ZNF254: variants seen among roughly 807,000 people sequenced by gnomAD.
The protein encoded by ZNF254 is CTD-2017D11.1.
Under a neutral mutation model 12.4 loss-of-function variants are expected in ZNF254, and 10 were observed. The ratio of observed to expected loss-of-function variants is 0.80; its 90% CI spans 0.50 to 1.36. The LOEUF is 1.36. Among genes scored for constraint, ZNF254 ranks in the 40% most tolerant of loss-of-function variants. The pLI is 0.00. For missense variants in ZNF254, 996 were observed against 763.9 expected, an observed-to-expected ratio of 1.30 and a Z score of -3.58; for synonymous variants, 305 against 253.4, an observed-to-expected ratio of 1.20 and a Z score of -1.93.
chr19:24,045,667 CAAAAAAAAAAAA>C (rs35872820), intron 1 of ZNF254, among the ~76,000 whole-genome samples: 1 of 88,810 alleles, frequency 1.1e-5, no homozygotes, highest in Non-Finnish European at 2.3e-5. Flanking sequence ...GACTCTGTCT[CAAAAAAAAAAAA>C]AAAAAAAAGG....
At chr19:24,062,348 T>C (rs1568433744) in intron 2 of ZNF254, among the ~76,000 whole-genome samples, 2 of 152,162 alleles carry the variant, frequency 1.3e-5, no homozygotes, top group Non-Finnish European at 2.9e-5. Flanking sequence ...ATGGATGCAG[T>C]CCATACTTAA....
chr19:24,127,250 G>T lies in ZNF254; in HGVS notation c.1250G>T (p.Arg417Leu). 1 of 1,612,106 alleles carries T rather than the reference G, an allele frequency of 6.2e-7. No homozygotes were observed. The highest frequency in any genetic ancestry group is 1.1e-5 in the South Asian group (1 of 90,972). Residue 417 changes from arginine (R) to leucine (L), a missense_variant, in exon 4 of 4, where the codon CGA becomes CTA. Coordinates refer to ENST00000357002, the MANE Select transcript of ZNF254 (RefSeq NM_203282.4). ...GAAGAATGCGGCAAAGGTTTTAATC[G>T]ATCTTCAAATCTTACTACACATAAG... is the stretch of plus-strand genomic sequence containing the variant. ...KCEECGKGFNRSSNLTTHKII... is the reference protein window; with the variant it reads ...KCEECGKGFNLSSNLTTHKII...
intron 2 of ZNF254, among the ~76,000 whole-genome samples, chr19:24,054,527 G>A (rs761867078): frequency 5.3e-5 from 8 of 152,114 alleles, no homozygotes; most frequent in South Asian, 2.1e-4. Context: ...TGTTACAAAC[G>A]TGTTATCCCA....
chr19:24,113,954 G>C (rs1488422327), intron 3 of ZNF254, among the ~76,000 whole-genome samples: 2 of 152,024 alleles, frequency 1.3e-5, no homozygotes, highest in African/African-American at 2.4e-5. Flanking sequence ...AAAATACCTA[G>C]GAATCCAACT....
intron 2 of ZNF254, 180 bp downstream of exon 2, chr19:24,106,246 G>C: frequency 8.4e-6 from 7 of 830,552 alleles, no homozygotes; most frequent in South Asian, 7.4e-5. Flanking sequence ...CCACATTCCT[G>C]AGCTAATCTG....
At chr19:24,100,659 AAG>A (rs1972960965) in intron 1 of ZNF254, among the ~76,000 whole-genome samples, 1 of 145,718 alleles carries the variant, frequency 6.9e-6, no homozygotes, top group African/African-American at 2.7e-5. Context: ...ATTTCTGACA[AAG>A]AAGTTTGTAT....
intron 1 of ZNF254, among the ~76,000 whole-genome samples, chr19:24,089,699 T>A (rs929841312): frequency 1.3e-5 from 2 of 152,024 alleles, no homozygotes; most frequent in African/African-American, 4.8e-5. Context: ...CATTTCCTAG[T>A]GCACTTTTTT....
At chr19:24,079,567 G>A (rs1373658880) in intron 2 of ZNF254, 2 of 152,186 alleles carry the variant, frequency 1.3e-5, no homozygotes, top group Non-Finnish European at 2.9e-5. Context: ...AGACAAGTTT[G>A]GTCATTTCTC....
At chr19:24,067,801 T>C (rs915031694) in intron 2 of ZNF254, among the ~76,000 whole-genome samples, 2 of 151,946 alleles carry the variant, frequency 1.3e-5, no homozygotes, top group African/African-American at 2.4e-5. Flanking sequence ...CCTACAAATA[T>C]TTTGCATTGT....
intron 2 of ZNF254, among the ~76,000 whole-genome samples, chr19:24,076,077 T>G (rs553689621): frequency 2.0e-5 from 3 of 152,350 alleles, no homozygotes; most frequent in African/African-American, 7.2e-5. Flanking sequence ...ACACATGTTT[T>G]ACAAACAATT....
At chr19:24,070,017 A>T (rs1329720705) in intron 2 of ZNF254, among the ~76,000 whole-genome samples, 2 of 152,236 alleles carry the variant, frequency 1.3e-5, no homozygotes, top group Non-Finnish European at 2.9e-5. Flanking sequence ...TCATATGCAG[A>T]TGCAGTCCAC....
intron 1 of ZNF254, chr19:24,105,458 G>A (rs1390546716): frequency 1.2e-5 from 3 of 247,390 alleles, no homozygotes; most frequent in Non-Finnish European, 2.3e-5. Context: ...GGTGAGCTTG[G>A]TAGAGATTCA....
chr19:24,034,332 A>AGCT (rs1458715313), intron 1 of ZNF254, among the ~76,000 whole-genome samples: 1 of 152,060 alleles, frequency 6.6e-6, no homozygotes, highest in East Asian at 1.9e-4. Context: ...TGCTTAGAGA[A>AGCT]GCTGCAGAGC....
At chr19:24,105,695 T>C in intron 1 of ZNF254, 1 of 409,826 alleles carries the variant, frequency 2.4e-6, no homozygotes, top group South Asian at 2.7e-5. Context: ...ATGCCTTCAA[T>C]TTTACATGTT....
At chr19:24,109,272 T>C (rs1434655634) in intron 3 of ZNF254, among the ~76,000 whole-genome samples, 5 of 152,208 alleles carry the variant, frequency 3.3e-5, no homozygotes, top group Non-Finnish European at 5.9e-5. Flanking sequence ...TACTCTGAAA[T>C]TTTATTGCTA....
At chr19:24,044,471 G>T (rs1012895037) in intron 1 of ZNF254, among the ~76,000 whole-genome samples, 1 of 151,712 alleles carries the variant, frequency 6.6e-6, no homozygotes, top group Admixed American at 6.6e-5. Context: ...CCGGGAGGCA[G>T]AGCTTGCAGG....
rs1242890976 is a variant in ZNF254 at position 24,128,170 on chromosome 19, C to T, written c.*190C>T. 1 of 577,806 alleles carries T rather than the reference C, an allele frequency of 1.7e-6. No homozygotes were observed. Among genetic ancestry groups the T allele is most frequent in the Non-Finnish European group, 2.7e-6 (1 of 368,396 alleles). The allele number at this position is 577,806 out of a possible 1,614,324, so 35.8% of individuals were successfully genotyped here. A position where few individuals can be genotyped will look rare whatever the true frequency, so the allele number is the denominator to read the frequency against. ...AAAAAGCCTTTAAATGATTGTCACA[C>T]TTGATTGTAGGTAAGATAATTCATA... On this transcript the variant is annotated 3_prime_UTR_variant, in exon 4 of 4. Transcript: ENST00000357002.
intron 1 of ZNF254, among the ~76,000 whole-genome samples, chr19:24,093,273 T>G (rs1294707966): frequency 6.6e-6 from 1 of 152,186 alleles, no homozygotes; most frequent in African/African-American, 2.4e-5. Flanking sequence ...TTTCCTTTGC[T>G]GTGAAGAAGC....
In ZNF254 at chr19:24,126,688, A is replaced by G; in HGVS notation, c.688A>G (p.Lys230Glu). 1 of 1,613,344 alleles carries G rather than the reference A, an allele frequency of 6.2e-7. No homozygotes were observed. Among genetic ancestry groups the G allele is most frequent in the Non-Finnish European group, 8.5e-7 (1 of 1,179,736 alleles). The stretch of plus-strand genomic sequence containing the variant: ...GTCCTCAACCCTTACTAATCATAGG[A>G]AAATTTATACTGAAGAGAAACCTTA... ...NWSSTLTNHR[K>E]IYTEEKPYKC... Residue 230 changes from lysine (K) to glutamate (E), a missense_variant, in exon 4 of 4, where the codon AAA becomes GAA. Lys to Glu is a moderately conservative substitution (Grantham distance 56, BLOSUM62 1). Coordinates refer to ENST00000357002, the MANE Select transcript of ZNF254 (RefSeq NM_203282.4).
Sources: gnomAD v4.1 joint callset for allele counts (sites outside exome capture counted in the v4.1 genomes callset) on GRCh38, gnomAD v4.1.1 for gene constraint, MANE v1.5 for transcripts, NCBI Gene and HGNC (gene_info 2026-07-23, HGNC 2026-07-21) for gene names.